PIK3CB: variants seen among roughly 807,000 people sequenced by gnomAD.
The protein encoded by PIK3CB is phosphatidylinositol 4,5-bisphosphate 3-kinase catalytic subunit beta isoform.
A neutral mutation model predicts 136.8 loss-of-function variants in PIK3CB; 39 were observed. That is an observed-to-expected ratio of 0.29 (90% confidence interval 0.22 to 0.37). PIK3CB has a LOEUF of 0.37. Among genes scored for constraint, PIK3CB ranks in the 10% least tolerant of loss-of-function variants. PIK3CB has a pLI of 1.00. For synonymous variants in PIK3CB, 428 were observed against 436.6 expected (o/e 0.98, Z 0.25); for missense variants, 868 against 1,275.4 (o/e 0.68, Z 4.87).
chr3:138,769,253 CAG>C (rs1214361669), intron 2 of PIK3CB, among the ~76,000 whole-genome samples: 3 of 151,058 alleles, frequency 2.0e-5, no homozygotes, highest in East Asian at 1.9e-4. Flanking sequence ...AAAGTAGCAA[CAG>C]AGTCTCCATA....
intron 15 of PIK3CB, among the ~76,000 whole-genome samples, chr3:138,690,447 C>T (rs1171525503): frequency 6.6e-6 from 1 of 151,642 alleles, no homozygotes; most frequent in Admixed American, 6.6e-5. Context: ...AGTTCTCATT[C>T]CTGATTTTAC....
chr3:138,693,970 A>T lies in PIK3CB; in HGVS notation c.1892+816T>A, dbSNP rs1464705699. Among the ~76,000 whole-genome samples the T allele has an allele frequency of 9.4e-5, 8 of 85,434 alleles. 1 individual carries two copies. The highest frequency in any genetic ancestry group is 3.1e-4 in the African/African-American group (6 of 19,480). 56.0% of individuals were successfully genotyped at this position (85,434 alleles called of 152,430 possible). A position where few individuals can be genotyped will look rare whatever the true frequency, so the allele number is the denominator to read the frequency against. ...ATATATATATATATATATATATTATATATATATATATATATATATATATTT... is the reference window on the plus strand; with the variant it reads ...ATATATATATATATATATATATTATTTATATATATATATATATATATATTT... On this transcript the variant is annotated intron_variant, in intron 14 of 23. Transcript: ENST00000674063.
At chr3:138,764,069 C>G (rs1226272610) in intron 2 of PIK3CB, among the ~76,000 whole-genome samples, 2 of 150,956 alleles carry the variant, frequency 1.3e-5, no homozygotes, top group Non-Finnish European at 2.9e-5. Flanking sequence ...CGAGATCGCA[C>G]CACTGCACTC....
intron 16 of PIK3CB, 100 bp from the exon 17 acceptor site, chr3:138,684,903 C>T (rs112382375): frequency 1.3e-5 from 10 of 751,878 alleles, no homozygotes; most frequent in Middle Eastern, 2.9e-4. Context: ...AACATATACA[C>T]ATAACCATAA....
At chr3:138,794,119 T>C (rs770600281) in intron 2 of PIK3CB, among the ~76,000 whole-genome samples, 2 of 152,102 alleles carry the variant, frequency 1.3e-5, no homozygotes, top group Non-Finnish European at 2.9e-5. Flanking sequence ...CCCGCCACCA[T>C]GCCCAGCTAA....
chr3:138,793,936 G>A (rs1044699665), intron 2 of PIK3CB, among the ~76,000 whole-genome samples: 8 of 152,116 alleles, frequency 5.3e-5, no homozygotes, highest in Non-Finnish European at 1.2e-4. Context: ...TAGACTCAAA[G>A]TCTTGTGAGT....
Position 138,712,320 on chromosome 3 carries a change from C to A in PIK3CB, c.1303-16G>T. ...CAGGATAATGCTGTTGAAAAAGATACCATTGCATAAATATGCTAAGAATAA... is the reference window on the plus strand; with the variant it reads ...CAGGATAATGCTGTTGAAAAAGATAACATTGCATAAATATGCTAAGAATAA... On this transcript the variant is annotated splice_polypyrimidine_tract_variant and intron_variant, in intron 9 of 23. Coordinates refer to ENST00000674063, the MANE Select transcript of PIK3CB (RefSeq NM_006219.3). 2 of 1,246,214 alleles carry A rather than the reference C, an allele frequency of 1.6e-6. No homozygotes were observed. Among genetic ancestry groups the A allele is most frequent in the South Asian group, 1.4e-5 (1 of 69,460 alleles). 77.2% of individuals were successfully genotyped at this position (1,246,214 alleles called of 1,614,324 possible). A position where few individuals can be genotyped will look rare whatever the true frequency, so the allele number is the denominator to read the frequency against.
Position 138,816,649 on chromosome 3 carries a change from A to T in PIK3CB, c.-122+18046T>A, listed in dbSNP as rs111358910. Among the ~76,000 whole-genome samples the T allele has an allele frequency of 7.1e-3, 1,078 of 152,062 alleles. 13 individuals carry two copies. The highest frequency in any genetic ancestry group is 0.025 in the African/African-American group (1,029 of 41,510). ...AAATATAAATTAAAAAATAAAAAATAGAAACCACAAGGTGACAGTTTCACT... is the reference window on the plus strand; with the variant it reads ...AAATATAAATTAAAAAATAAAAAATTGAAACCACAAGGTGACAGTTTCACT... On this transcript the variant is annotated intron_variant, in intron 1 of 23. Coordinates refer to ENST00000674063, the MANE Select transcript of PIK3CB (RefSeq NM_006219.3).
rs961087175 is a variant in PIK3CB, at chr3:138,689,395, G to A, written c.2037-421C>T. Among the ~76,000 whole-genome samples the A allele has an allele frequency of 3.3e-5, 5 of 152,134 alleles. No individual in the cohort carries two copies. In the South Asian group the frequency reaches 6.2e-4, roughly 19 times the overall value. ...TGGGGTGGCCAGCCCCTTCATACTTGCGATTCTCCTGCCTCAGCCTCCCGA... is the reference window on the plus strand; with the variant it reads ...TGGGGTGGCCAGCCCCTTCATACTTACGATTCTCCTGCCTCAGCCTCCCGA... On this transcript the variant is annotated intron_variant, in intron 15 of 23. Coordinates refer to ENST00000674063, the MANE Select transcript of PIK3CB (RefSeq NM_006219.3).
intron 1 of PIK3CB, among the ~76,000 whole-genome samples, chr3:138,819,937 G>T (rs922386269): frequency 6.6e-6 from 1 of 152,184 alleles, no homozygotes; most frequent in African/African-American, 2.4e-5. Flanking sequence ...TTGTGCCACT[G>T]CACTCCAGCC....
intron 1 of PIK3CB, among the ~76,000 whole-genome samples, chr3:138,803,365 C>T (rs2046197991): frequency 6.6e-6 from 1 of 152,104 alleles, no homozygotes; most frequent in Non-Finnish European, 1.5e-5. Context: ...AACATATTTT[C>T]CTGTCTTTAT....
chr3:138,657,584 G>GAAT, intron 22 of PIK3CB, 106 bp downstream of exon 22: 1 of 1,004,148 alleles, frequency 1.0e-6, no homozygotes, highest in South Asian at 1.6e-5. Context: ...TAATCAGACT[G>GAAT]AATATCTCCC....
chr3:138,805,545 G>A (rs562052900), intron 1 of PIK3CB, among the ~76,000 whole-genome samples: 45 of 150,600 alleles, frequency 3.0e-4, no homozygotes, highest in African/African-American at 1.0e-3. Flanking sequence ...GGTGGCACGC[G>A]CCTGTAGTCC....
chr3:138,764,350 C>T (rs1018171503), intron 2 of PIK3CB, among the ~76,000 whole-genome samples: 3 of 151,428 alleles, frequency 2.0e-5, no homozygotes, highest in Non-Finnish European at 4.4e-5. Context: ...ACTAGGGAGG[C>T]TAAGGCAGGA....
At chr3:138,769,073 G>C (rs928404889) in intron 2 of PIK3CB, among the ~76,000 whole-genome samples, 1 of 152,126 alleles carries the variant, frequency 6.6e-6, no homozygotes, top group Non-Finnish European at 1.5e-5. Flanking sequence ...AGCTGCAGCT[G>C]CTCCTGGGAA....
intron 1 of PIK3CB, among the ~76,000 whole-genome samples, chr3:138,829,149 A>C (rs1186578622): frequency 6.6e-6 from 1 of 151,802 alleles, no homozygotes; most frequent in Non-Finnish European, 1.5e-5. Context: ...AGATTATGAC[A>C]GATAAAGGAA....
chr3:138,683,795 C>T lies in PIK3CB; in HGVS notation c.2316-8G>A, dbSNP rs764269742. The T allele has an allele frequency of 7.0e-7, 1 of 1,420,702 alleles. No homozygotes were observed. The highest frequency in any genetic ancestry group is 1.0e-6 in the Non-Finnish European group (1 of 1,004,920). 88.0% of individuals were successfully genotyped at this position (1,420,702 alleles called of 1,614,324 possible). ...TATTTGCACTTTTCAACACTGAAAT[C>T]AAGTGGGGAAAATTAGTCAACTTCA... On this transcript the variant is annotated splice_polypyrimidine_tract_variant and splice_region_variant and intron_variant, in intron 17 of 23. Coordinates refer to ENST00000674063, the MANE Select transcript of PIK3CB (RefSeq NM_006219.3).
At chr3:138,683,016 T>C (rs1260388485) in intron 18 of PIK3CB, among the ~76,000 whole-genome samples, 2 of 152,012 alleles carry the variant, frequency 1.3e-5, no homozygotes, top group Non-Finnish European at 2.9e-5. Context: ...GGCAGCAAAA[T>C]CAATATTGCT....
At chr3:138,823,343 T>A (rs574453522) in intron 1 of PIK3CB, among the ~76,000 whole-genome samples, 79 of 152,044 alleles carry the variant, frequency 5.2e-4, no homozygotes, top group African/African-American at 1.9e-3. Context: ...TAATGAAATA[T>A]GAATAGTTAT....
Sources: gnomAD v4.1 joint callset for allele counts (sites outside exome capture counted in the v4.1 genomes callset) on GRCh38, gnomAD v4.1.1 for gene constraint, MANE v1.5 for transcripts, NCBI Gene and HGNC (gene_info 2026-07-23, HGNC 2026-07-21) for gene names.